Variants in SHLD2 observed in about 807,000 individuals in gnomAD.
SHLD2 encodes RINN1-REV7-interacting novel NHEJ regulator 2.
In SHLD2, 30 loss-of-function variants were observed where a neutral mutation model predicts 73.2. The ratio of observed to expected loss-of-function variants is 0.41; its 90% CI spans 0.31 to 0.56. The LOEUF (loss-of-function observed/expected upper bound fraction) is 0.56, where lower values mean the gene tolerates loss of function less well. Ranked by LOEUF, SHLD2 falls within the 20% of genes least tolerant of loss-of-function variation. The pLI is 0.28. For missense variants in SHLD2, 745 were observed against 1,055.9 expected (o/e 0.71, Z 4.08); for synonymous variants, 285 against 370.1 (o/e 0.77, Z 2.64).
At chr10:87,165,942 G>A (rs1283863630) in intron 4 of SHLD2, among the ~76,000 whole-genome samples, 5 of 152,052 alleles carry the variant, frequency 3.3e-5, no homozygotes, top group South Asian at 4.1e-4. Context: ...AGCTGTATAC[G>A]ATCATCTCAA....
At chr10:87,108,346 G>A (rs1217449764) in intron 2 of SHLD2, among the ~76,000 whole-genome samples, 2 of 152,186 alleles carry the variant, frequency 1.3e-5, no homozygotes, top group African/African-American at 4.8e-5. Context: ...ACTGCGTTCA[G>A]CCTAATTTTT....
rs539554008 is a variant in SHLD2 at position 87,114,296 on chromosome 10, T to TA, written c.-6+17307_-6+17308insA. ...AGTGAGTGATGTGTTTCAATTTATA[T>TA]TTATATTATATTTACACTTGATCTT... On this transcript the variant is annotated intron_variant, in intron 2 of 9. Coordinates refer to ENST00000298786, the MANE Select transcript of SHLD2 (RefSeq NM_001330112.2). 287 of 152,318 alleles carry TA rather than the reference T, an allele frequency of 1.9e-3. 2 individuals are homozygous for TA. The highest frequency in any genetic ancestry group is 6.5e-3 in the African/African-American group (271 of 41,576). The allele number at this position is 152,318 out of a possible 1,614,324, so 9.4% of individuals were successfully genotyped here.
At chr10:87,188,556 T>C (rs1034181031) in intron 9 of SHLD2, among the ~76,000 whole-genome samples, 1 of 152,220 alleles carries the variant, frequency 6.6e-6, no homozygotes, top group Non-Finnish European at 1.5e-5. Context: ...GAGACTACTA[T>C]GTGGAAGAGC....
At chr10:87,097,309 C>T (rs2133905154) in intron 2 of SHLD2, among the ~76,000 whole-genome samples, 1 of 152,264 alleles carries the variant, frequency 6.6e-6, no homozygotes, top group South Asian at 2.1e-4. Flanking sequence ...GCCTGTAATC[C>T]CAGCACTTTA....
chr10:87,094,979 G>GCCTCCGCCGCGGCCTCCC (rs1205012307), upstream of SHLD2: 2 of 203,524 alleles, frequency 9.8e-6, no homozygotes, highest in African/African-American at 2.4e-5. This position sits in a 1 kb window ranked among gnomAD's most constrained non-coding sequence, Gnocchi z 6.6. Context: ...CCGGGCCTCC[G>GCCTCCGCCGCGGCCTCCC]CCTCCGCCGC....
chr10:87,138,077 A>G (rs1844922042), intron 2 of SHLD2, among the ~76,000 whole-genome samples: 1 of 152,166 alleles, frequency 6.6e-6, no homozygotes, highest in Admixed American at 6.5e-5. Context: ...AGGTGGGCAG[A>G]TCACAAGGTC....
intron 7 of SHLD2, among the ~76,000 whole-genome samples, chr10:87,178,659 G>T (rs956796941): frequency 1.6e-4 from 25 of 152,102 alleles, no homozygotes; most frequent in African/African-American, 5.8e-4. Context: ...TGAGACTGCA[G>T]TGAGTCAAGA....
At chr10:87,145,177 G>A (rs1459044934) in intron 2 of SHLD2, among the ~76,000 whole-genome samples, 2 of 152,156 alleles carry the variant, frequency 1.3e-5, no homozygotes, top group African/African-American at 4.8e-5. Flanking sequence ...TCCTGACCTC[G>A]TGATCCGCCC....
At chr10:87,142,046 A>G (rs1287274261) in intron 2 of SHLD2, among the ~76,000 whole-genome samples, 1 of 110,156 alleles carries the variant, frequency 9.1e-6, no homozygotes, top group African/African-American at 3.3e-5. Flanking sequence ...AAAAAAAAAT[A>G]TATCAAATTG....
chr10:87,186,997 C>T, intron 8 of SHLD2, 88 bp from the exon 9 acceptor site: 2 of 831,860 alleles, frequency 2.4e-6, no homozygotes, highest in Non-Finnish European at 4.0e-6. Flanking sequence ...GCATAAAAAC[C>T]AAGTGCTTTT....
intron 4 of SHLD2, among the ~76,000 whole-genome samples, chr10:87,162,116 A>G (rs967965785): frequency 9.9e-5 from 15 of 152,106 alleles, no homozygotes; most frequent in Non-Finnish European, 5.9e-5. Context: ...AATAAACACC[A>G]TATGGATTAA....
intron 2 of SHLD2, among the ~76,000 whole-genome samples, chr10:87,113,279 A>G (rs746638867): frequency 1.7e-4 from 26 of 152,164 alleles, no homozygotes; most frequent in Admixed American, 5.9e-4. Flanking sequence ...AGCCGAGATC[A>G]TGCCATTGCA....
intron 6 of SHLD2, among the ~76,000 whole-genome samples, chr10:87,171,697 G>T (rs1217737481): frequency 1.3e-5 from 2 of 152,178 alleles, no homozygotes; most frequent in African/African-American, 4.8e-5. Flanking sequence ...ACCTGAAAGA[G>T]TTAATGTCTC....
intron 8 of SHLD2, among the ~76,000 whole-genome samples, chr10:87,183,557 T>C (rs1194477683): frequency 6.6e-6 from 1 of 152,212 alleles, no homozygotes; most frequent in Non-Finnish European, 1.5e-5. Context: ...CATCTCCCTC[T>C]TGTCCCTTCG....
At chr10:87,176,181 G>C in intron 7 of SHLD2, 86 bp downstream of exon 7, 1 of 1,507,384 alleles carries the variant, frequency 6.6e-7, no homozygotes, top group Non-Finnish European at 9.0e-7. Context: ...GAATACAGTG[G>C]TGTGAACACA....
intron 2 of SHLD2, among the ~76,000 whole-genome samples, chr10:87,138,680 C>G (rs1844974153): frequency 6.6e-6 from 1 of 152,178 alleles, no homozygotes; most frequent in Admixed American, 6.5e-5. Context: ...AGAACAAGCA[C>G]TAAAAACACA....
chr10:87,146,367 C>T (rs1410892264), intron 2 of SHLD2, among the ~76,000 whole-genome samples: 1 of 152,050 alleles, frequency 6.6e-6, no homozygotes, highest in African/African-American at 2.4e-5. Flanking sequence ...GATCTTGGCT[C>T]ACTGCAACCT....
intron 8 of SHLD2, among the ~76,000 whole-genome samples, chr10:87,185,493 G>C (rs1369565185): frequency 6.6e-6 from 1 of 152,126 alleles, no homozygotes; most frequent in Non-Finnish European, 1.5e-5. Flanking sequence ...GGACTACCAG[G>C]CTGTTTTCCA....
intron 3 of SHLD2, among the ~76,000 whole-genome samples, chr10:87,153,641 T>C (rs1846171376): frequency 1.3e-5 from 2 of 152,184 alleles, no homozygotes; most frequent in South Asian, 4.1e-4. Flanking sequence ...ATATCACACA[T>C]AGAAGCTCAT....
Sources: gnomAD v4.1 joint callset for allele counts (sites outside exome capture counted in the v4.1 genomes callset) on GRCh38, gnomAD v4.1.1 for gene constraint, Gnocchi (gnomAD v3.1) non-coding constraint, MANE v1.5 for transcripts, NCBI Gene and HGNC (gene_info 2026-07-23, HGNC 2026-07-21) for gene names.